UVRAG: variants seen among roughly 807,000 people sequenced by gnomAD.
UVRAG encodes UV radiation resistance associated, also known as UV radiation resistance-associated gene protein.
In UVRAG, 19 loss-of-function variants were observed where a neutral mutation model predicts 78.0. The ratio of observed to expected loss-of-function variants is 0.24; its 90% CI spans 0.17 to 0.36. UVRAG has a LOEUF of 0.36. Among genes scored for constraint, UVRAG ranks in the 10% least tolerant of loss-of-function variants. The pLI, the probability that UVRAG is intolerant of heterozygous loss-of-function variation, is 1.00. For missense variants in UVRAG, 740 were observed against 853.8 expected (o/e 0.87, Z 1.66); for synonymous variants, 323 against 324.6 (o/e 1.00, Z 0.05).
chr11:76,006,571 G>A (rs900325500), intron 9 of UVRAG, among the ~76,000 whole-genome samples: 1 of 139,248 alleles, frequency 7.2e-6, no homozygotes, highest in African/African-American at 2.6e-5. Flanking sequence ...GAGGTGAGAG[G>A]ATCAGCTGAG....
At chr11:75,926,460 T>C (rs1948107149) in intron 6 of UVRAG, among the ~76,000 whole-genome samples, 1 of 152,190 alleles carries the variant, frequency 6.6e-6, no homozygotes, top group African/African-American at 2.4e-5. Flanking sequence ...AGAGTTAAAT[T>C]TGAACATGGG....
rs377441113 is a variant in UVRAG at position 75,888,574 on chromosome 11, T to A, written c.433-255T>A. Among the ~76,000 whole-genome samples, 208 of 152,256 alleles carry A rather than the reference T, an allele frequency of 1.4e-3. 3 individuals are homozygous for A. In the South Asian group the frequency reaches 0.042, roughly 31 times the overall value. On this transcript the variant is annotated intron_variant, in intron 4 of 14. Transcript: ENST00000356136. ...GCCATTCCATAACAACCTCAAGAAA[T>A]GTTTGTGAAAGATATGTGAGTGATG...
At chr11:75,985,160 T>C (rs1428455770) in intron 8 of UVRAG, among the ~76,000 whole-genome samples, 1 of 151,596 alleles carries the variant, frequency 6.6e-6, no homozygotes, top group Non-Finnish European at 1.5e-5. Flanking sequence ...TTTTCTTTTT[T>C]TTTTTTTTTG....
intron 5 of UVRAG, among the ~76,000 whole-genome samples, chr11:75,902,632 A>G (rs1395860114): frequency 1.3e-5 from 2 of 151,440 alleles, no homozygotes; most frequent in African/African-American, 4.9e-5. Context: ...TTTATTAACT[A>G]TTTTTTCATT....
At position 76,007,611 on chromosome 11, in the gene UVRAG, C is replaced by T. The variant is rs775295078; in HGVS notation, c.989C>T (p.Pro330Leu). 2.5e-6 allele frequency: 4 copies of T among 1,613,040 alleles called. No homozygotes were observed. The highest frequency in any genetic ancestry group is 3.4e-6 in the Non-Finnish European group (4 of 1,179,478). ...QLLSELSYIY[P>L]IDLNEHKDYF... ...CTCTCTGAGCTTTCCTACATTTACC[C>T]TATTGATTTGGTAAGTTTCAAATTT... Residue 330 changes from proline to leucine, a missense_variant, in exon 10 of 15, where the codon CCT becomes CTT. Pro to Leu is a moderately conservative substitution (Grantham distance 98). Coordinates refer to ENST00000356136, the MANE Select transcript of UVRAG (RefSeq NM_003369.4).
chr11:76,135,735 G>A (rs1453031203), intron 14 of UVRAG, among the ~76,000 whole-genome samples: 1 of 152,214 alleles, frequency 6.6e-6, no homozygotes, highest in Non-Finnish European at 1.5e-5. Flanking sequence ...TGAGGAGAAT[G>A]TGTGCAGTGA....
At chr11:75,887,217 C>T (rs948079377) in intron 4 of UVRAG, among the ~76,000 whole-genome samples, 5 of 152,118 alleles carry the variant, frequency 3.3e-5, no homozygotes, top group African/African-American at 1.2e-4. Context: ...GTGCTCTCGG[C>T]TCACTGCAAC....
intron 5 of UVRAG, among the ~76,000 whole-genome samples, chr11:75,900,380 C>G (rs749541255): frequency 1.7e-4 from 26 of 152,160 alleles, no homozygotes; most frequent in Admixed American, 5.9e-4. Flanking sequence ...CCCTCATTCT[C>G]TTTTTTTCTC....
intron 6 of UVRAG, among the ~76,000 whole-genome samples, chr11:75,923,019 T>C (rs1257520053): frequency 6.8e-6 from 1 of 147,396 alleles, no homozygotes; most frequent in East Asian, 1.9e-4. Context: ...TATATATATA[T>C]ATATGTTCGT....
chr11:76,079,492 A>G (rs999191997), intron 13 of UVRAG, among the ~76,000 whole-genome samples: 3 of 136,578 alleles, frequency 2.2e-5, no homozygotes, highest in African/African-American at 3.3e-5. Flanking sequence ...CAAAAAAAAG[A>G]AAAAAAAAAA....
At chr11:75,847,832 G>A (rs1184159734) in intron 1 of UVRAG, among the ~76,000 whole-genome samples, 2 of 152,056 alleles carry the variant, frequency 1.3e-5, no homozygotes, top group East Asian at 3.9e-4. Flanking sequence ...TTAGCTGGGT[G>A]TGGTGGTATG....
chr11:76,098,837 C>T (rs539287369), intron 13 of UVRAG, among the ~76,000 whole-genome samples: 1 of 152,244 alleles, frequency 6.6e-6, no homozygotes, highest in South Asian at 2.1e-4. Context: ...GTGATTCACA[C>T]ATTATATAAA....
chr11:75,957,271 T>C (rs575565668), intron 6 of UVRAG, among the ~76,000 whole-genome samples: 1 of 152,228 alleles, frequency 6.6e-6, no homozygotes, highest in South Asian at 2.1e-4. Context: ...TGATTTTTTT[T>C]CTATGCTTAT....
At chr11:76,016,298 C>T (rs536035962) in intron 11 of UVRAG, among the ~76,000 whole-genome samples, 4 of 152,232 alleles carry the variant, frequency 2.6e-5, no homozygotes, top group South Asian at 4.1e-4. Flanking sequence ...TTATGTAACC[C>T]TGTCTTTTTC....
At chr11:75,903,807 T>A (rs886384188) in intron 5 of UVRAG, among the ~76,000 whole-genome samples, 1 of 152,232 alleles carries the variant, frequency 6.6e-6, no homozygotes, top group Non-Finnish European at 1.5e-5. Flanking sequence ...CGGTGTTCAG[T>A]AAACACTGAA....
rs564647379 is a variant in UVRAG, at chr11:75,917,036, A to G, written c.593+4997A>G. Among the ~76,000 whole-genome samples, 84 of 152,362 alleles carry G rather than the reference A, an allele frequency of 5.5e-4. 1 individual carries two copies. Among genetic ancestry groups the G allele is most frequent in the African/African-American group, 2.4e-4 (10 of 41,578 alleles). On this transcript the variant is annotated intron_variant, in intron 6 of 14. Transcript: ENST00000356136. ...CCTCTGGGTGCATGACTCCTGAACC[A>G]TAATTTTACAAAGGTGTTTTCAGTC...
chr11:76,088,947 G>A (rs1439026809), intron 13 of UVRAG, among the ~76,000 whole-genome samples: 1 of 152,208 alleles, frequency 6.6e-6, no homozygotes, highest in African/African-American at 2.4e-5. Context: ...GCCAGAGACT[G>A]AGGTTCATTC....
intron 1 of UVRAG, 60 bp downstream of exon 1, chr11:75,815,584 T>C: frequency 1.8e-6 from 2 of 1,101,442 alleles, no homozygotes; most frequent in Admixed American, 4.3e-5. Flanking sequence ...GTGGAGAGCT[T>C]GCTGGCTCCG....
At chr11:75,950,006 G>T (rs902605642) in intron 6 of UVRAG, among the ~76,000 whole-genome samples, 21 of 152,072 alleles carry the variant, frequency 1.4e-4, no homozygotes, top group South Asian at 6.2e-4. Flanking sequence ...GTCATACGGG[G>T]CACTCTTTTG....
Sources: allele counts gnomAD v4.1 joint callset (sites outside exome capture counted in the v4.1 genomes callset), GRCh38; gene constraint gnomAD v4.1.1; transcripts MANE v1.5; gene names NCBI Gene and HGNC (gene_info 2026-07-23, HGNC 2026-07-21).